The following FMNL2 variants were observed in gnomAD, a reference collection of about 807,000 sequenced individuals.
FMNL2 encodes the protein formin-like protein 2.
A neutral mutation model predicts 130.2 loss-of-function variants in FMNL2; 51 were observed. That is an observed-to-expected ratio of 0.39 (90% CI 0.31 to 0.49). The LOEUF (loss-of-function observed/expected upper bound fraction) is 0.49. Among genes scored for constraint, FMNL2 ranks in the 20% least tolerant of loss-of-function variants. FMNL2 has a pLI of 0.85. For synonymous variants in FMNL2, 465 were observed against 467.1 expected, an observed-to-expected ratio of 1.00 and a Z score of 0.06; for missense variants, 977 against 1,316.2, an observed-to-expected ratio of 0.74 and a Z score of 3.99.
intron 1 of FMNL2, among the ~76,000 whole-genome samples, chr2:152,450,713 C>T (rs1688593739): frequency 6.6e-6 from 1 of 152,180 alleles, no homozygotes; most frequent in Non-Finnish European, 1.5e-5. Flanking sequence ...TGTGGCATCT[C>T]CTCCTGCTGT....
chr2:152,422,055 A>T lies in FMNL2; in HGVS notation c.117+86335A>T, dbSNP rs528265110. 1.6e-4 allele frequency among the ~76,000 whole-genome samples: 25 copies of T among 152,314 alleles called. No individual in the cohort carries two copies. In the East Asian group the frequency reaches 4.8e-3, roughly 29 times the overall value. On this transcript the variant is annotated intron_variant, in intron 1 of 25. Transcript: ENST00000288670. ...GGCCATGCAGGCTGAATTTGAAATC[A>T]TCTAATCACCTTTGTAAATCTGACA...
chr2:152,368,874 AC>A (rs1683712255), intron 1 of FMNL2, among the ~76,000 whole-genome samples: 1 of 151,772 alleles, frequency 6.6e-6, no homozygotes, highest in South Asian at 2.1e-4. Context: ...ACTTTTATCC[AC>A]CTTTTGCTTA....
chr2:152,429,607 CTT>C (rs63647660), intron 1 of FMNL2, among the ~76,000 whole-genome samples: 1 of 147,014 alleles, frequency 6.8e-6, no homozygotes, highest in African/African-American at 2.5e-5. Context: ...CTTCTTTTGT[CTT>C]TTTTTTTTTG....
Position 152,637,642 on chromosome 2 carries a change from C to T in FMNL2, c.2914C>T (p.Pro972Ser), listed in dbSNP as rs1158287945. 2 of 1,613,982 alleles carry T rather than the reference C, an allele frequency of 1.2e-6. No individual in the cohort carries two copies. Among genetic ancestry groups the T allele is most frequent in the Admixed American group, 1.7e-5 (1 of 60,018 alleles). Residue 972 changes from proline (P) to serine (S), a missense_variant, in exon 23 of 26, where the codon CCT becomes TCT. By Grantham distance (74) the Pro-to-Ser change is moderately conservative (BLOSUM62 -1). Coordinates refer to ENST00000288670, the MANE Select transcript of FMNL2 (RefSeq NM_052905.4). ...GACAACACCACCCTCTGTCTTCTTTCCTGTCTTTGTCCGGTTTGTGAAAGC... is the reference window on the plus strand; with the variant it reads ...GACAACACCACCCTCTGTCTTCTTTTCTGTCTTTGTCCGGTTTGTGAAAGC... The part of the protein sequence containing the change: ...PKTTPPSVFF[P>S]VFVRFVKAYK...
chr2:152,574,434 CAAA>C (rs57776446), intron 6 of FMNL2, among the ~76,000 whole-genome samples: 8 of 106,962 alleles, frequency 7.5e-5, no homozygotes, highest in African/African-American at 2.2e-4. Flanking sequence ...GACTCTGTCT[CAAA>C]AAAAAAAAAA....
intron 1 of FMNL2, among the ~76,000 whole-genome samples, chr2:152,370,311 C>T (rs1683801418): frequency 6.6e-6 from 1 of 152,070 alleles, no homozygotes; most frequent in African/African-American, 2.4e-5. Flanking sequence ...AGGAAGCTCC[C>T]CGGGGTCTCT....
chr2:152,404,662 T>C (rs577886799), intron 1 of FMNL2, among the ~76,000 whole-genome samples: 5 of 152,290 alleles, frequency 3.3e-5, no homozygotes, highest in Admixed American at 6.5e-5. Context: ...TTGGTGGTGG[T>C]GGCGGTGGCA....
chr2:152,642,909 C>T (rs750300318), intron 25 of FMNL2, among the ~76,000 whole-genome samples: 25 of 151,954 alleles, frequency 1.6e-4, no homozygotes, highest in Admixed American at 4.6e-4. Flanking sequence ...CTTGGGAGGC[C>T]GAGACAGGAG....
intron 1 of FMNL2, among the ~76,000 whole-genome samples, chr2:152,494,388 T>C (rs1190387750): frequency 2.0e-5 from 3 of 152,184 alleles, no homozygotes; most frequent in Admixed American, 2.0e-4. Flanking sequence ...AGTCTCATTG[T>C]AAAAGAAGGA....
intron 1 of FMNL2, among the ~76,000 whole-genome samples, chr2:152,476,823 T>G (rs1234808909): frequency 1.3e-5 from 2 of 152,094 alleles, no homozygotes; most frequent in African/African-American, 4.8e-5. Context: ...ATAATTATTA[T>G]ACTAATTCTC....
At chr2:152,594,003 G>A (rs1425752529) in intron 9 of FMNL2, among the ~76,000 whole-genome samples, 9 of 151,678 alleles carry the variant, frequency 5.9e-5, no homozygotes, top group African/African-American at 1.9e-4. Flanking sequence ...CAGTCCAGAA[G>A]GAAAAGAGTG....
intron 1 of FMNL2, among the ~76,000 whole-genome samples, chr2:152,478,241 TA>T (rs1558896595): frequency 4.5e-3 from 165 of 36,318 alleles, no homozygotes; most frequent in East Asian, 9.3e-3. Context: ...TATATATATA[TA>T]TATATATATT....
chr2:152,620,331 A>G (rs1699187656), intron 15 of FMNL2, among the ~76,000 whole-genome samples: 1 of 152,148 alleles, frequency 6.6e-6, no homozygotes, highest in Admixed American at 6.5e-5. Flanking sequence ...CTTGCCAACC[A>G]GAAGATAGAA....
intron 1 of FMNL2, among the ~76,000 whole-genome samples, chr2:152,352,012 A>G (rs554817840): frequency 6.6e-5 from 10 of 152,232 alleles, no homozygotes; most frequent in Non-Finnish European, 1.0e-4. Context: ...TTTAAGCATG[A>G]TTAAAAGAGA....
intron 2 of FMNL2, among the ~76,000 whole-genome samples, chr2:152,531,226 A>C (rs1693668602): frequency 1.3e-5 from 2 of 152,206 alleles, no homozygotes; most frequent in African/African-American, 4.8e-5. Flanking sequence ...CTAACAGGTT[A>C]GGTGTGTGCT....
intron 1 of FMNL2, among the ~76,000 whole-genome samples, chr2:152,372,165 A>G (rs1168768375): frequency 1.3e-5 from 2 of 152,206 alleles, no homozygotes; most frequent in East Asian, 1.9e-4. Context: ...GTTGCTAATA[A>G]AGGTATTTTA....
chr2:152,478,244 A>ATTT (rs1386372956), intron 1 of FMNL2, among the ~76,000 whole-genome samples: 3 of 38,516 alleles, frequency 7.8e-5, no homozygotes, highest in Non-Finnish European at 1.5e-4. Context: ...ATATATATAT[A>ATTT]TATATATTTT....
rs1166309888 is a variant in FMNL2 at position 152,649,698 on chromosome 2, G to C, written c.*1793G>C. ...ATCTACAAATAGACAACGTTGGCAT[G>C]TTCTTTTCTGTTTGTCTATTAATGG... On this transcript the variant is annotated 3_prime_UTR_variant, in exon 26 of 26. Transcript: ENST00000288670. 1 of 152,692 alleles carries C rather than the reference G, an allele frequency of 6.5e-6. No homozygotes were observed. The highest frequency in any genetic ancestry group is 1.9e-4 in the East Asian group (1 of 5,184). 9.5% of individuals were successfully genotyped at this position (152,692 alleles called of 1,614,324 possible).
chr2:152,641,979 T>C lies in FMNL2; in HGVS notation c.3169+1065T>C, dbSNP rs541718332. On this transcript the variant is annotated intron_variant, in intron 25 of 25. Transcript: ENST00000288670. ...TTTTTTTGATGGAGTCTCATTCTGT[T>C]GCCCAGGCTGGAGTGCAGTGGTGCT... 5.1e-4 allele frequency among the ~76,000 whole-genome samples: 77 copies of C among 151,688 alleles called. 2 individuals are homozygous for C. The Middle Eastern group carries it at 0.01, about 20-fold the overall frequency.
Sources: gnomAD v4.1 joint callset for allele counts (sites outside exome capture counted in the v4.1 genomes callset) on GRCh38, gnomAD v4.1.1 for gene constraint, MANE v1.5 for transcripts, NCBI Gene and HGNC (gene_info 2026-07-23, HGNC 2026-07-21) for gene names.